Variants in VAV3 observed in about 807,000 individuals in gnomAD.
VAV3 encodes guanine nucleotide exchange factor VAV3.
In VAV3, 94 loss-of-function variants were observed where a neutral mutation model predicts 131.2. The ratio of observed to expected loss-of-function variants is 0.72; its 90% CI spans 0.61 to 0.85. The LOEUF (loss-of-function observed/expected upper bound fraction) is 0.85, where lower values mean the gene tolerates loss of function less well. VAV3 is among the 40% of genes least tolerant of loss of function. VAV3 has a pLI of 0.00. For missense variants in VAV3, 939 were observed against 1,002.7 expected, an observed-to-expected ratio of 0.94 and a Z score of 0.86; for synonymous variants, 349 against 342.0, an observed-to-expected ratio of 1.02 and a Z score of -0.22.
chr1:107,589,697 C>T lies in VAV3; in HGVS notation c.2350+6515G>A, dbSNP rs576709208. ...ATATCAAACCCAATTGCAAAATGAC[C>T]GAGGAAAAGATGACAAAAAAACTGA... is the stretch of plus-strand genomic sequence containing the variant. On this transcript the variant is annotated intron_variant, in intron 25 of 26. Coordinates refer to ENST00000370056, the MANE Select transcript of VAV3 (RefSeq NM_006113.5). Among the ~76,000 whole-genome samples the T allele has an allele frequency of 3.3e-5, 5 of 151,586 alleles. No individual in the cohort carries two copies. The East Asian group carries it at 9.7e-4, about 29-fold the overall frequency.
chr1:107,695,963 C>G (rs988035320), intron 17 of VAV3, among the ~76,000 whole-genome samples: 4 of 152,134 alleles, frequency 2.6e-5, no homozygotes, highest in Non-Finnish European at 4.4e-5. Context: ...CTATCCCTTT[C>G]TATAAACAAG....
At chr1:107,745,142 C>T (rs1663257413) in intron 15 of VAV3, among the ~76,000 whole-genome samples, 1 of 152,092 alleles carries the variant, frequency 6.6e-6, no homozygotes, top group Non-Finnish European at 1.5e-5. Flanking sequence ...AAACCATTTG[C>T]CGTCCTGTTT....
intron 8 of VAV3, among the ~76,000 whole-genome samples, chr1:107,766,017 C>A (rs1222782650): frequency 6.6e-6 from 1 of 151,894 alleles, no homozygotes; most frequent in Non-Finnish European, 1.5e-5. Context: ...ATCTAATACT[C>A]CAAAATAGAG....
rs539164279 is a variant in VAV3 at position 107,606,147 on chromosome 1, C to A, written c.2016-2984G>T. On this transcript the variant is annotated intron_variant, in intron 22 of 26. Coordinates refer to ENST00000370056, the MANE Select transcript of VAV3 (RefSeq NM_006113.5). The stretch of plus-strand genomic sequence containing the variant: ...TACACAGGATGTAACACTCTAAAGT[C>A]CCACATCTATGAAAATATTTTATTT... Among the ~76,000 whole-genome samples, 3 of 152,202 alleles carry A rather than the reference C, an allele frequency of 2.0e-5. No individual in the cohort carries two copies. In the South Asian group the frequency reaches 6.2e-4, roughly 32 times the overall value.
At chr1:107,728,762 T>C (rs1264186085) in intron 15 of VAV3, among the ~76,000 whole-genome samples, 1 of 152,150 alleles carries the variant, frequency 6.6e-6, no homozygotes, top group Non-Finnish European at 1.5e-5. Context: ...GCTTAGCTAA[T>C]ATAATCTGAT....
intron 1 of VAV3, among the ~76,000 whole-genome samples, chr1:107,904,615 T>C (rs1024160160): frequency 6.6e-5 from 10 of 152,226 alleles, no homozygotes; most frequent in African/African-American, 1.9e-4. Flanking sequence ...CCCTTTCTGT[T>C]CTATAAATGT....
chr1:107,889,009 G>A (rs1047045134), intron 1 of VAV3, among the ~76,000 whole-genome samples: 3 of 152,030 alleles, frequency 2.0e-5, no homozygotes, highest in Non-Finnish European at 4.4e-5. Context: ...GCACCAGTGG[G>A]TGGGTCTGAC....
chr1:107,711,651 TA>T (rs1362674670), intron 15 of VAV3, among the ~76,000 whole-genome samples: 1 of 152,172 alleles, frequency 6.6e-6, no homozygotes, highest in Non-Finnish European at 1.5e-5. Context: ...TTAGGTTCTA[TA>T]AAATAAAGTT....
chr1:107,701,648 A>C (rs1191756811), intron 17 of VAV3, among the ~76,000 whole-genome samples: 1 of 152,228 alleles, frequency 6.6e-6, no homozygotes, highest in Non-Finnish European at 1.5e-5. Flanking sequence ...ATCAGGCTGC[A>C]AATTCTCCAA....
intron 4 of VAV3, among the ~76,000 whole-genome samples, chr1:107,776,090 G>T (rs906423751): frequency 1.3e-5 from 2 of 152,170 alleles, no homozygotes; most frequent in Non-Finnish European, 2.9e-5. Context: ...TAATATTGTG[G>T]TATTACATAA....
At chr1:107,917,451 G>C (rs572059923) in intron 1 of VAV3, among the ~76,000 whole-genome samples, 3 of 152,236 alleles carry the variant, frequency 2.0e-5, no homozygotes, top group African/African-American at 7.2e-5. Flanking sequence ...CTAGCCATTG[G>C]TCTATCTGAC....
At chr1:107,856,550 T>C (rs1171037178) in intron 2 of VAV3, among the ~76,000 whole-genome samples, 1 of 152,152 alleles carries the variant, frequency 6.6e-6, no homozygotes, top group Non-Finnish European at 1.5e-5. Context: ...AAATCAACAT[T>C]ACTGTTATAA....
intron 19 of VAV3, among the ~76,000 whole-genome samples, chr1:107,665,085 A>G (rs1425449657): frequency 2.0e-5 from 3 of 152,204 alleles, no homozygotes; most frequent in African/African-American, 7.2e-5. Context: ...AGGAGAGGCC[A>G]TGCTGTCTCT....
At position 107,775,577 on chromosome 1, in the gene VAV3, C is replaced by CAAAAAAAAAAAA. The variant is rs34775096; in HGVS notation, c.446+1642_446+1653dup. Reference sequence around the variant, plus strand: ...TGGGTGCCAGAGCAAGACTCAGTCACAAAAAAAAAAAAAAAAAAAAAAAAA... The same window carrying CAAAAAAAAAAAA: ...TGGGTGCCAGAGCAAGACTCAGTCACAAAAAAAAAAAAAAAAAAAAAAAAAAAAAAAAAAAAA... On this transcript the variant is annotated intron_variant, in intron 4 of 26. Coordinates refer to ENST00000370056, the MANE Select transcript of VAV3 (RefSeq NM_006113.5). 5.3e-5 allele frequency among the ~76,000 whole-genome samples: 3 copies of CAAAAAAAAAAAA among 56,444 alleles called. 1 individual carries two copies. Among genetic ancestry groups the CAAAAAAAAAAAA allele is most frequent in the African/African-American group, 7.5e-5 (1 of 13,334 alleles). The allele number at this position is 56,444 out of a possible 152,430, so 37.0% of individuals were successfully genotyped here.
chr1:107,853,610 G>A (rs1282017174), intron 2 of VAV3, among the ~76,000 whole-genome samples: 1 of 151,480 alleles, frequency 6.6e-6, no homozygotes, highest in East Asian at 1.9e-4. Flanking sequence ...AGTGCTGCAA[G>A]TTCTTTTAAT....
chr1:107,963,770 A>G (rs569367872), intron 1 of VAV3, among the ~76,000 whole-genome samples: 1 of 152,206 alleles, frequency 6.6e-6, no homozygotes, highest in African/African-American at 2.4e-5. Context: ...TAACATTCTG[A>G]AAGAGAAAGA....
In VAV3 at chr1:107,964,926, GCC is replaced by G; in HGVS notation, c.-59_-58del. ...GGCGGGCGGCAAGGATGCGGCCGCC[GCC>G]GCCGCCGCCGCGGTTCCTCCGCGCC... On this transcript the variant is annotated 5_prime_UTR_variant, in exon 1 of 27. Transcript: ENST00000370056. The G allele has an allele frequency of 8.3e-7, 1 of 1,202,366 alleles. No individual in the cohort carries two copies. The highest frequency in any genetic ancestry group is 1.0e-6 in the Non-Finnish European group (1 of 964,800). The allele number at this position is 1,202,366 out of a possible 1,614,324, so 74.5% of individuals were successfully genotyped here.
chr1:107,863,625 T>C (rs1669848148), intron 2 of VAV3, among the ~76,000 whole-genome samples: 1 of 152,178 alleles, frequency 6.6e-6, no homozygotes, highest in Admixed American at 6.5e-5. Context: ...TCCATGTGGA[T>C]TACCACTTCG....
At chr1:107,595,616 G>A (rs1651314305) in intron 25 of VAV3, among the ~76,000 whole-genome samples, 2 of 152,068 alleles carry the variant, frequency 1.3e-5, no homozygotes, top group Non-Finnish European at 2.9e-5. Flanking sequence ...TGAGAGAAAA[G>A]GTTTTCGACT....
Sources: allele counts gnomAD v4.1 joint callset (sites outside exome capture counted in the v4.1 genomes callset), GRCh38; gene constraint gnomAD v4.1.1; transcripts MANE v1.5; gene names NCBI Gene and HGNC (gene_info 2026-07-23, HGNC 2026-07-21).